Variants in MAGI3 observed in about 807,000 individuals in gnomAD.
MAGI3 encodes the protein membrane-associated guanylate kinase, WW and PDZ domain-containing protein 3.
MAGI3 carries 43 observed loss-of-function variants against 121.8 expected under a neutral mutation model. The observed-to-expected ratio is 0.35, with a 90% confidence interval of 0.28 to 0.46. MAGI3 has a LOEUF of 0.46. Ranked by LOEUF, MAGI3 falls within the 20% of genes least tolerant of loss-of-function variation. The pLI is 1.00. For missense variants in MAGI3, 1,547 were observed against 1,797.3 expected, an observed-to-expected ratio of 0.86 and a Z score of 2.52; for synonymous variants, 553 against 639.3, an observed-to-expected ratio of 0.86 and a Z score of 2.04.
intron 3 of MAGI3, chr1:113,581,034 CT>C (rs1469029775): frequency 6.5e-6 from 1 of 153,064 alleles, no homozygotes; most frequent in Non-Finnish European, 1.5e-5. Flanking sequence ...TGTACCTTGA[CT>C]ATCCTGGAAA....
At chr1:113,426,508 T>C (rs1653015321) in intron 1 of MAGI3, among the ~76,000 whole-genome samples, 1 of 152,222 alleles carries the variant, frequency 6.6e-6, no homozygotes, top group African/African-American at 2.4e-5. Flanking sequence ...CATCTATAAT[T>C]GTGGACTTGT....
Position 113,646,506 on chromosome 1 carries a change from T to G in MAGI3, c.2019T>G (p.Asn673Lys). 1.3e-6 allele frequency: 2 copies of G among 1,599,196 alleles called. No homozygotes were observed. The highest frequency in any genetic ancestry group is 1.7e-6 in the Non-Finnish European group (2 of 1,175,488). ...TAKMKTDKKE[N>K]AGSLEAINEP... ...TTCAGAAAACAGATAAAAAGGAAAA[T>G]GCAGGAAGTTTGGAGGCCATAAATG... The change falls in exon 12 of 21, where the codon AAT (asparagine) becomes AAG (lysine). Residue 673 changes from asparagine (N) to lysine (K), a missense_variant. Transcript: ENST00000307546.
At chr1:113,527,357 G>A (rs1357630242) in intron 1 of MAGI3, among the ~76,000 whole-genome samples, 1 of 152,152 alleles carries the variant, frequency 6.6e-6, no homozygotes, top group African/African-American at 2.4e-5. Flanking sequence ...GGGAGAAAGA[G>A]TTGAGGATAT....
At chr1:113,393,618 A>G (rs1650941350) in intron 1 of MAGI3, among the ~76,000 whole-genome samples, 1 of 152,244 alleles carries the variant, frequency 6.6e-6, no homozygotes. Flanking sequence ...CAGGTTAAAC[A>G]GACTTTAAAT....
intron 1 of MAGI3, among the ~76,000 whole-genome samples, chr1:113,470,905 A>G (rs1163442178): frequency 6.6e-6 from 1 of 152,230 alleles, no homozygotes; most frequent in East Asian, 1.9e-4. Flanking sequence ...TCCATAGTAT[A>G]TAGCCTTTTA....
intron 1 of MAGI3, among the ~76,000 whole-genome samples, chr1:113,399,849 T>G (rs1392252216): frequency 6.6e-6 from 1 of 152,190 alleles, no homozygotes; most frequent in Non-Finnish European, 1.5e-5. Flanking sequence ...ATTCTACCAT[T>G]TTGAAAATGA....
intron 1 of MAGI3, among the ~76,000 whole-genome samples, chr1:113,405,830 G>C (rs539162639): frequency 1.3e-5 from 2 of 152,194 alleles, no homozygotes; most frequent in South Asian, 4.1e-4. Context: ...AACTGACCTT[G>C]TATAGATCCT....
At chr1:113,575,334 C>A (rs534528006) in intron 2 of MAGI3, among the ~76,000 whole-genome samples, 109 of 152,184 alleles carry the variant, frequency 7.2e-4, no homozygotes, top group African/African-American at 2.4e-3. Context: ...ATTTATCTAC[C>A]TTTGATCTTT....
intron 1 of MAGI3, among the ~76,000 whole-genome samples, chr1:113,444,535 A>G (rs140373562): frequency 3.9e-5 from 6 of 152,216 alleles, no homozygotes; most frequent in African/African-American, 1.4e-4. Context: ...GAAAACCTTA[A>G]GTTTACATTT....
At chr1:113,554,710 T>C (rs1170244373) in intron 2 of MAGI3, among the ~76,000 whole-genome samples, 1 of 152,020 alleles carries the variant, frequency 6.6e-6, no homozygotes, top group East Asian at 1.9e-4. Context: ...CTGAAATGTT[T>C]CCAAATTTGA....
chr1:113,676,463 T>G (rs1885454), intron 19 of MAGI3, among the ~76,000 whole-genome samples: 33,068 of 152,176 alleles, frequency 0.22, 4,502 homozygotes, highest in South Asian at 0.39. Context: ...AATGATGAAA[T>G]CAGCTTTTAT....
intron 6 of MAGI3, among the ~76,000 whole-genome samples, chr1:113,598,333 A>G (rs964155563): frequency 3.3e-5 from 5 of 152,098 alleles, no homozygotes; most frequent in Non-Finnish European, 5.9e-5. Context: ...TTATATCTCA[A>G]TATTAATGTT....
chr1:113,493,338 T>C (rs1430534702), intron 1 of MAGI3, among the ~76,000 whole-genome samples: 2 of 152,296 alleles, frequency 1.3e-5, no homozygotes, highest in East Asian at 3.9e-4. Context: ...ACTAGAGATA[T>C]GCGGAAAATT....
intron 1 of MAGI3, among the ~76,000 whole-genome samples, chr1:113,478,419 A>C (rs1472275087): frequency 6.6e-6 from 1 of 152,146 alleles, no homozygotes; most frequent in Admixed American, 6.5e-5. Context: ...GTTTTGGTGT[A>C]GATGACCTTT....
rs546542697 is a variant in MAGI3 at position 113,532,657 on chromosome 1, A to C, written c.317-16858A>C. On this transcript the variant is annotated intron_variant, in intron 1 of 20. Coordinates refer to ENST00000307546, the MANE Select transcript of MAGI3 (RefSeq NM_001142782.2). ...TCTTTTAAATACGATAGTATTCTTC[A>C]ATAGCAACAAAAGTGTATTTGGTTT... 5.3e-5 allele frequency among the ~76,000 whole-genome samples: 8 copies of C among 152,260 alleles called. No homozygotes were observed. In the South Asian group the frequency reaches 1.7e-3, roughly 32 times the overall value.
chr1:113,679,709 A>ATTTTTTTTTTTTTTT (rs34782120), intron 19 of MAGI3, among the ~76,000 whole-genome samples: 1 of 144,566 alleles, frequency 6.9e-6, no homozygotes. Context: ...CTGAAAAATG[A>ATTTTTTTTTTTTTTT]TTTTTTTTTT....
intron 2 of MAGI3, among the ~76,000 whole-genome samples, chr1:113,559,089 T>A (rs1170680177): frequency 1.3e-5 from 2 of 152,136 alleles, no homozygotes; most frequent in African/African-American, 4.8e-5. Flanking sequence ...TACCAACCAC[T>A]ACAAAAATAC....
chr1:113,630,151 C>T (rs538545725), intron 9 of MAGI3, among the ~76,000 whole-genome samples: 1 of 152,234 alleles, frequency 6.6e-6, no homozygotes, highest in Non-Finnish European at 1.5e-5. Context: ...GCTAAGCTGG[C>T]ATTCAAACCA....
At chr1:113,675,234 G>C (rs1356390046) in intron 19 of MAGI3, among the ~76,000 whole-genome samples, 20 of 152,220 alleles carry the variant, frequency 1.3e-4, no homozygotes, top group Admixed American at 1.2e-3. Context: ...TACAGTGGTA[G>C]TGGTGGGAGT....
Sources: allele counts gnomAD v4.1 joint callset (sites outside exome capture counted in the v4.1 genomes callset), GRCh38; gene constraint gnomAD v4.1.1; transcripts MANE v1.5; gene names NCBI Gene and HGNC (gene_info 2026-07-23, HGNC 2026-07-21).